ZNF599: variants seen among roughly 807,000 people sequenced by gnomAD.
ZNF599 encodes the protein zinc finger protein 599.
In ZNF599, 10 loss-of-function variants were observed where a neutral mutation model predicts 11.7. The ratio of observed to expected loss-of-function variants is 0.86; its 90% CI spans 0.53 to 1.45. The LOEUF (loss-of-function observed/expected upper bound fraction) is 1.45. Ranked by LOEUF, ZNF599 falls within the 40% of genes most tolerant of loss-of-function variation. The pLI, the probability that ZNF599 is intolerant of heterozygous loss-of-function variation, is 0.00. For synonymous variants in ZNF599, 232 were observed against 253.2 expected, an observed-to-expected ratio of 0.92 and a Z score of 0.79; for missense variants, 688 against 713.6, an observed-to-expected ratio of 0.96 and a Z score of 0.41.
the ZNF599 span, among the ~76,000 whole-genome samples, chr19:34,798,078 C>T: frequency 1.3e-5 from 2 of 152,178 alleles, no homozygotes; most frequent in African/African-American, 4.8e-5. Context: ...AGGCTCTCTG[C>T]AGGGGGAAAC....
At chr19:34,780,534 A>G in the ZNF599 span, among the ~76,000 whole-genome samples, 2 of 151,090 alleles carry the variant, frequency 1.3e-5, no homozygotes, top group Non-Finnish European at 2.9e-5. Context: ...TAAGGAAGGA[A>G]GGAAAAAAGG....
Position 34,760,351 on chromosome 19 carries a change from C to G in ZNF599, c.450G>C (p.Leu150Phe), listed in dbSNP as rs2069104779. 6.2e-7 allele frequency: 1 copy of G among 1,614,028 alleles called. No homozygotes were observed. Among genetic ancestry groups the G allele is most frequent in the African/African-American group, 1.3e-5 (1 of 74,920 alleles). The change falls in exon 4 of 4, where the codon TTG (leucine) becomes TTC (phenylalanine). Residue 150 changes from leucine (L) to phenylalanine (F), a missense_variant. Physicochemically the swap from Leu to Phe is conservative, Grantham distance 22. Coordinates refer to ENST00000329285, the MANE Select transcript of ZNF599 (RefSeq NM_001007248.3). Reference sequence around the variant, plus strand: ...GCTCCAAATCATCATGTTTATAACTCAACTTCTCAGGGCATATCTCTTTGT... The same window carrying G: ...GCTCCAAATCATCATGTTTATAACTGAACTTCTCAGGGCATATCTCTTTGT... Reference protein sequence around the residue: ...NPHKEICPEKLSYKHDDLEPD... With the variant: ...NPHKEICPEKFSYKHDDLEPD...
chr19:34,759,368 G>A lies in ZNF599; in HGVS notation c.1433C>T (p.Pro478Leu), dbSNP rs756885831. The change falls in exon 4 of 4, where the codon CCC (proline) becomes CTC (leucine). Residue 478 changes from proline (P) to leucine (L), a missense_variant. Physicochemically the swap from Pro to Leu is moderately conservative, Grantham distance 98. Transcript: ENST00000329285. ...TTTTGCACATTCTTTGCACTCCAAGGGTTTTTGTCCACTGTGGGTCCTATT... is the reference window on the plus strand; with the variant it reads ...TTTTGCACATTCTTTGCACTCCAAGAGTTTTTGTCCACTGTGGGTCCTATT... ...RHNRTHSGQK[P>L]LECKECAKAF... 6.2e-7 allele frequency: 1 copy of A among 1,613,848 alleles called. No homozygotes were observed.
chr19:34,796,273 T>A, the ZNF599 span, among the ~76,000 whole-genome samples: 1 of 152,050 alleles, frequency 6.6e-6, no homozygotes, highest in Non-Finnish European at 1.5e-5. Flanking sequence ...TGAAGTTTAA[T>A]AGCAGTGGGG....
chr19:34,776,901 G>C (rs1485940460), upstream of ZNF599, among the ~76,000 whole-genome samples: 2 of 152,192 alleles, frequency 1.3e-5, no homozygotes, highest in East Asian at 3.9e-4. Flanking sequence ...TGTGGAAGGG[G>C]TAGTAACTTT....
the ZNF599 span, among the ~76,000 whole-genome samples, chr19:34,781,435 A>G: frequency 6.6e-6 from 1 of 152,186 alleles, no homozygotes; most frequent in African/African-American, 2.4e-5. Context: ...ATGCCAAAAA[A>G]CTGAAAGCAA....
chr19:34,779,508 C>T, the ZNF599 span: 1 of 456,624 alleles, frequency 2.2e-6, no homozygotes, highest in Non-Finnish European at 4.4e-6. Flanking sequence ...TTGCTGTACT[C>T]ATAAGGTTTT....
chr19:34,773,345 G>C (rs192403946), upstream of ZNF599: 1 of 154,504 alleles, frequency 6.5e-6, no homozygotes, highest in East Asian at 1.9e-4. Flanking sequence ...GGTACCTGGA[G>C]CGCACTTTCT....
chr19:34,768,374 G>T lies in ZNF599; in HGVS notation c.146-963C>A, dbSNP rs184858039. ...CACAGTTGTCATAAAATAACACCACGTTTACTTCATTAATGACTCATCCCT... is the reference window on the plus strand; with the variant it reads ...CACAGTTGTCATAAAATAACACCACTTTTACTTCATTAATGACTCATCCCT... On this transcript the variant is annotated intron_variant, in intron 2 of 3. Coordinates refer to ENST00000329285, the MANE Select transcript of ZNF599 (RefSeq NM_001007248.3). 2.8e-3 allele frequency among the ~76,000 whole-genome samples: 419 copies of T among 152,198 alleles called. 3 individuals carry two copies. The highest frequency in any genetic ancestry group is 9.7e-3 in the African/African-American group (403 of 41,504).
chr19:34,794,142 A>G, the ZNF599 span, among the ~76,000 whole-genome samples: 1 of 152,170 alleles, frequency 6.6e-6, no homozygotes, highest in Non-Finnish European at 1.5e-5. Flanking sequence ...CGTGAGACCC[A>G]TTCACTATCA....
At chr19:34,799,798 A>G in the ZNF599 span, among the ~76,000 whole-genome samples, 1 of 152,232 alleles carries the variant, frequency 6.6e-6, no homozygotes, top group East Asian at 1.9e-4. Context: ...TGCAAGCCAG[A>G]AAAAGAGGAT....
chr19:34,762,083 A>C (rs2069116954), intron 3 of ZNF599, among the ~76,000 whole-genome samples: 1 of 152,226 alleles, frequency 6.6e-6, no homozygotes, highest in African/African-American at 2.4e-5. Context: ...TGTATGTGCC[A>C]AACACCAGAG....
At chr19:34,761,674 T>C (rs1486974541) in intron 3 of ZNF599, among the ~76,000 whole-genome samples, 4 of 152,164 alleles carry the variant, frequency 2.6e-5, no homozygotes, top group African/African-American at 4.8e-5. Flanking sequence ...GAGAAGGCCA[T>C]TGGGAAAAGG....
At chr19:34,776,754 GT>G (rs890365649), upstream of ZNF599, among the ~76,000 whole-genome samples, 5 of 152,226 alleles carry the variant, frequency 3.3e-5, no homozygotes, top group African/African-American at 1.2e-4. Flanking sequence ...AATAGGCAGT[GT>G]TACAGCTCTG....
At chr19:34,797,183 G>T in the ZNF599 span, among the ~76,000 whole-genome samples, 2 of 152,048 alleles carry the variant, frequency 1.3e-5, no homozygotes, top group African/African-American at 2.4e-5. Flanking sequence ...ATGGTGTATA[G>T]GTGCCACATT....
In ZNF599 at chr19:34,759,988, C is replaced by T. The variant is rs201514857; in HGVS notation, c.813G>A (p.Thr271=). The change falls in exon 4 of 4, where the codon ACG becomes ACA. Residue 271 remains threonine, a synonymous_variant. Transcript: ENST00000329285. ...CTCCGGTGTGAATACGCTGGTGCTC[C>T]GTGAGGTGAAACCTGCGTTTGAAGG... is the stretch of plus-strand genomic sequence containing the variant. The part of the protein sequence containing the change: ...GKAFKRRFHL[T]EHQRIHTGDK... The T allele has an allele frequency of 3.8e-5, 62 of 1,613,962 alleles. No individual in the cohort carries two copies. The highest frequency in any genetic ancestry group is 1.6e-4 in the Middle Eastern group (1 of 6,084).
At chr19:34,807,157 C>G in the ZNF599 span, among the ~76,000 whole-genome samples, 1 of 152,248 alleles carries the variant, frequency 6.6e-6, no homozygotes, top group African/African-American at 2.4e-5. Flanking sequence ...ACTCACCACA[C>G]TGGCTTTCAG....
upstream of ZNF599, among the ~76,000 whole-genome samples, chr19:34,777,347 ATATATTATATATTAATATAT>A (rs1276610885): frequency 5.6e-5 from 5 of 89,618 alleles, no homozygotes; most frequent in Non-Finnish European, 1.0e-4. Flanking sequence ...TTAATATATT[ATATATTATATATTAATATAT>A]TATATATTAT....
At chr19:34,765,527 C>CAT in intron 3 of ZNF599, 1 of 701,420 alleles carries the variant, frequency 1.4e-6, no homozygotes, top group South Asian at 1.5e-5. Context: ...AATATTGTTA[C>CAT]ATATTAATAG....
Sources: gnomAD v4.1 joint callset for allele counts (sites outside exome capture counted in the v4.1 genomes callset) on GRCh38, gnomAD v4.1.1 for gene constraint, MANE v1.5 for transcripts, NCBI Gene and HGNC (gene_info 2026-07-23, HGNC 2026-07-21) for gene names.